The following SH3BP4 variants were observed in gnomAD, a reference collection of about 807,000 sequenced individuals.
The protein encoded by SH3BP4 is SH3 domain binding protein 4, also known as SH3 domain-binding protein 4.
Under a neutral mutation model 65.5 loss-of-function variants are expected in SH3BP4, and 33 were observed. That is an observed-to-expected ratio of 0.50 (90% CI 0.38 to 0.67). SH3BP4 has a LOEUF of 0.67. Among genes scored for constraint, SH3BP4 ranks in the 30% least tolerant of loss-of-function variants. SH3BP4 has a pLI of 0.00. For synonymous variants in SH3BP4, 552 were observed against 545.5 expected, an observed-to-expected ratio of 1.01 and a Z score of -0.17; for missense variants, 1,134 against 1,261.4, an observed-to-expected ratio of 0.90 and a Z score of 1.53.
intron 1 of SH3BP4, among the ~76,000 whole-genome samples, chr2:234,986,498 G>A (rs1469702884): frequency 6.6e-6 from 1 of 152,220 alleles, no homozygotes; most frequent in Admixed American, 6.5e-5. Context: ...CAGGATTGGA[G>A]CCTGGTCTGG....
Position 235,030,970 on chromosome 2 carries a change from G to A in SH3BP4, c.-132-3901G>A, listed in dbSNP as rs149644638. ...CTCACCCCTGAATGTCTGGATGGGT[G>A]TTACAGCTACACTCAAGGATGGCCT... On this transcript the variant is annotated intron_variant, in intron 2 of 5. Transcript: ENST00000392011. This position sits in a 1 kb window ranked among gnomAD's most constrained non-coding sequence, Gnocchi z 4.1. Among the ~76,000 whole-genome samples, 1 of 152,276 alleles carries A rather than the reference G, an allele frequency of 6.6e-6. No individual in the cohort carries two copies. Among genetic ancestry groups the A allele is most frequent in the Non-Finnish European group, 1.5e-5 (1 of 67,996 alleles).
At chr2:234,981,744 G>A (rs1693390985) in intron 1 of SH3BP4, 1 of 152,162 alleles carries the variant, frequency 6.6e-6, no homozygotes, top group African/African-American at 2.4e-5. Flanking sequence ...GGTTTCCACA[G>A]GGATCTTTGT....
In SH3BP4 at chr2:235,041,046, T is replaced by A; in HGVS notation, c.277T>A (p.Trp93Arg). 6.2e-7 allele frequency: 1 copy of A among 1,614,118 alleles called. No homozygotes were observed. The highest frequency in any genetic ancestry group is 8.5e-7 in the Non-Finnish European group (1 of 1,180,024). ...YVLDTSGGEWWYAHNTTEMGY... is the reference protein window; with the variant it reads ...YVLDTSGGEWRYAHNTTEMGY... ...CTTGGACACATCTGGCGGTGAGTGG[T>A]GGTACGCACACAACACCACCGAAAT... The change falls in exon 4 of 6, where the codon TGG becomes AGG. Residue 93 changes from tryptophan to arginine, a missense_variant. By Grantham distance (101) the Trp-to-Arg change is moderately radical. Transcript: ENST00000392011. This position sits in a 1 kb window ranked among gnomAD's most constrained non-coding sequence, Gnocchi z 6.0.
intron 2 of SH3BP4, among the ~76,000 whole-genome samples, chr2:235,014,338 A>G (rs1241777019): frequency 6.6e-6 from 1 of 151,978 alleles, no homozygotes; most frequent in Non-Finnish European, 1.5e-5. Context: ...TGGGGAGCTT[A>G]CCCTCTGTGT....
rs1696201933 is a variant in SH3BP4 at position 235,055,653 on chromosome 2, T to G, written c.*1837T>G. ...AATTTTATTTGGATATTTTAACCTGTTAAGTGTGTGTGTGTTTTCTGTACC... is the reference window on the plus strand; with the variant it reads ...AATTTTATTTGGATATTTTAACCTGGTAAGTGTGTGTGTGTTTTCTGTACC... On this transcript the variant is annotated 3_prime_UTR_variant, in exon 6 of 6. Transcript: ENST00000392011. The G allele has an allele frequency of 6.6e-6, 1 of 152,636 alleles. No individual in the cohort carries two copies. The highest frequency in any genetic ancestry group is 2.1e-4 in the South Asian group (1 of 4,828). 9.5% of individuals were successfully genotyped at this position (152,636 alleles called of 1,614,324 possible). A position where few individuals can be genotyped will look rare whatever the true frequency, so the allele number is the denominator to read the frequency against.
At chr2:235,011,278 G>A (rs1007046822) in intron 2 of SH3BP4, among the ~76,000 whole-genome samples, 1 of 151,876 alleles carries the variant, frequency 6.6e-6, no homozygotes, top group South Asian at 2.1e-4. Flanking sequence ...GGCAGTCTTC[G>A]TTAGCTTAAA....
chr2:235,041,968 A>T lies in SH3BP4; in HGVS notation c.1199A>T (p.Glu400Val). Residue 400 changes from glutamate (E) to valine (V), a missense_variant, in exon 4 of 6, where the codon GAG becomes GTG. Glu to Val is a moderately radical substitution (Grantham distance 121, BLOSUM62 -2). Coordinates refer to ENST00000392011, the MANE Select transcript of SH3BP4 (RefSeq NM_014521.3). The surrounding 1 kb of genome is among the most constrained non-coding windows in gnomAD (Gnocchi z 6.0). ...ATCTTGGAGATGAAAGTGTCAGCCG[A>T]GATAAAAAATGACCTTTTTAGCAAA... is the stretch of plus-strand genomic sequence containing the variant. ...SIILEMKVSA[E>V]IKNDLFSKST... 9.9e-6 allele frequency: 16 copies of T among 1,613,408 alleles called. No homozygotes were observed. The highest frequency in any genetic ancestry group is 1.3e-5 in the Non-Finnish European group (15 of 1,179,506).
At chr2:234,989,136 C>T (rs1043642342) in intron 1 of SH3BP4, among the ~76,000 whole-genome samples, 2 of 152,144 alleles carry the variant, frequency 1.3e-5, no homozygotes, top group Non-Finnish European at 2.9e-5. Context: ...GATCTGCCCT[C>T]ATAGAGAATG....
rs200502938 is a variant in SH3BP4, at chr2:235,042,229, C to T, written c.1460C>T (p.Ser487Phe). The T allele has an allele frequency of 1.9e-6, 3 of 1,614,090 alleles. No homozygotes were observed. Among genetic ancestry groups the T allele is most frequent in the East Asian group, 4.5e-5 (2 of 44,854 alleles). The change falls in exon 4 of 6, where the codon TCC becomes TTC. Residue 487 changes from serine (S) to phenylalanine (F), a missense_variant. Ser to Phe is a radical substitution (Grantham distance 155). Coordinates refer to ENST00000392011, the MANE Select transcript of SH3BP4 (RefSeq NM_014521.3). This position sits in a 1 kb window ranked among gnomAD's most constrained non-coding sequence, Gnocchi z 7.3. ...TACGGCCCTAAACACATCCACCCATCCTTCAAGACGGTAGTGACCATTTTT... is the reference window on the plus strand; with the variant it reads ...TACGGCCCTAAACACATCCACCCATTCTTCAAGACGGTAGTGACCATTTTT... ...GLYGPKHIHP[S>F]FKTVVTIFGH...
intron 1 of SH3BP4, among the ~76,000 whole-genome samples, chr2:234,982,630 T>C (rs1693422546): frequency 6.6e-6 from 1 of 151,716 alleles, no homozygotes; most frequent in Non-Finnish European, 1.5e-5. Flanking sequence ...AGCCTCAGTG[T>C]GGGGCTTGAG....
intron 2 of SH3BP4, among the ~76,000 whole-genome samples, chr2:235,024,669 G>C (rs2106313518): frequency 6.6e-6 from 1 of 152,270 alleles, no homozygotes; most frequent in South Asian, 2.1e-4. Context: ...GTGTGGGGCT[G>C]GCTAGCTCTG....
In SH3BP4 at chr2:234,957,061, G is replaced by A. The variant is rs572743170; in HGVS notation, c.-207+4891G>A. Reference sequence around the variant, plus strand: ...TTTTTGAGTCTCACTCTGTCACCCAGGCTGGCTGGAGTGCAGTGGTGCAAT... The same window carrying A: ...TTTTTGAGTCTCACTCTGTCACCCAAGCTGGCTGGAGTGCAGTGGTGCAAT... On this transcript the variant is annotated intron_variant, in intron 1 of 5. Transcript: ENST00000392011. Among the ~76,000 whole-genome samples, 6 of 151,716 alleles carry A rather than the reference G, an allele frequency of 4.0e-5. No individual in the cohort carries two copies. The South Asian group carries it at 1.3e-3, about 32-fold the overall frequency.
intron 1 of SH3BP4, among the ~76,000 whole-genome samples, chr2:234,993,667 C>T (rs1693822932): frequency 6.6e-6 from 1 of 152,144 alleles, no homozygotes; most frequent in Non-Finnish European, 1.5e-5. Flanking sequence ...CCTTTTATGT[C>T]TTTTAAGATG....
Position 235,050,621 on chromosome 2 carries a change from G to A in SH3BP4, c.2479-1941G>A, listed in dbSNP as rs569709104. Reference sequence around the variant, plus strand: ...AGAAGGATCGTGAGTCACCTACTCTGGCTAATGCATGCCACAAGTCGCCAA... The same window carrying A: ...AGAAGGATCGTGAGTCACCTACTCTAGCTAATGCATGCCACAAGTCGCCAA... On this transcript the variant is annotated intron_variant, in intron 4 of 5. Coordinates refer to ENST00000392011, the MANE Select transcript of SH3BP4 (RefSeq NM_014521.3). 2.2e-4 allele frequency among the ~76,000 whole-genome samples: 33 copies of A among 152,032 alleles called. No individual in the cohort carries two copies. In the East Asian group the frequency reaches 6.0e-3, roughly 28 times the overall value.
rs1256538674 is a variant in SH3BP4, at chr2:234,977,820, C to G, written c.-206-17483C>G. On this transcript the variant is annotated intron_variant, in intron 1 of 5. Coordinates refer to ENST00000392011, the MANE Select transcript of SH3BP4 (RefSeq NM_014521.3). This position sits in a 1 kb window ranked among gnomAD's most constrained non-coding sequence, Gnocchi z 5.1. ...ACACACATGGGCACACACACACATG[C>G]GTGCACACACACGCAGACCCTGAGA... Among the ~76,000 whole-genome samples, 2 of 152,140 alleles carry G rather than the reference C, an allele frequency of 1.3e-5. No homozygotes were observed. The highest frequency in any genetic ancestry group is 1.9e-4 in the East Asian group (1 of 5,190).
chr2:234,994,737 TGGG>T (rs1693859070), intron 1 of SH3BP4: 1 of 152,174 alleles, frequency 6.6e-6, no homozygotes, highest in Non-Finnish European at 1.5e-5. Flanking sequence ...GACTCATTGT[TGGG>T]GTGAGAAAAG....
intron 2 of SH3BP4, among the ~76,000 whole-genome samples, chr2:235,011,885 C>T (rs373139243): frequency 2.6e-5 from 4 of 152,092 alleles, no homozygotes; most frequent in East Asian, 3.8e-4. Flanking sequence ...GATTAGTGTC[C>T]GTTGAGCGGT....
intron 1 of SH3BP4, among the ~76,000 whole-genome samples, chr2:234,986,651 G>C (rs1354489207): frequency 1.3e-5 from 2 of 151,918 alleles, no homozygotes; most frequent in African/African-American, 2.4e-5. Flanking sequence ...TCCTGATCTC[G>C]GGTGAGTCTT....
intron 2 of SH3BP4, among the ~76,000 whole-genome samples, chr2:234,996,180 G>A (rs79850221): frequency 0.01 from 1,588 of 152,250 alleles, 37 homozygotes; most frequent in African/African-American, 0.037. Flanking sequence ...CTAAGTAAAC[G>A]CTACGTTTGG....
Sources: allele counts gnomAD v4.1 joint callset (sites outside exome capture counted in the v4.1 genomes callset), GRCh38; gene constraint gnomAD v4.1.1; non-coding constraint Gnocchi (gnomAD v3.1); transcripts MANE v1.5; gene names NCBI Gene and HGNC (gene_info 2026-07-23, HGNC 2026-07-21).